The following SEC24D variants were observed in gnomAD, a reference collection of about 807,000 sequenced individuals.
SEC24D encodes protein transport protein Sec24D.
A neutral mutation model predicts 116.9 loss-of-function variants in SEC24D; 69 were observed. That is an observed-to-expected ratio of 0.59 (90% CI 0.49 to 0.72). The LOEUF is 0.72. SEC24D is among the 30% of genes least tolerant of loss of function. The probability of loss-of-function intolerance (pLI) is 0.00; values close to 1 mark genes in which losing one functional copy is unlikely to be tolerated. For synonymous variants in SEC24D, 405 were observed against 442.8 expected, an observed-to-expected ratio of 0.91 and a Z score of 1.07; for missense variants, 1,131 against 1,264.1, an observed-to-expected ratio of 0.89 and a Z score of 1.60.
intron 8 of SEC24D, among the ~76,000 whole-genome samples, chr4:118,779,083 A>T (rs1182409873): frequency 1.3e-5 from 2 of 152,164 alleles, no homozygotes; most frequent in African/African-American, 4.8e-5. Context: ...TCCTAATTAA[A>T]TACGCTTTAT....
intron 8 of SEC24D, among the ~76,000 whole-genome samples, chr4:118,778,751 A>G (rs1232535280): frequency 1.3e-5 from 2 of 152,238 alleles, no homozygotes; most frequent in East Asian, 3.9e-4. Flanking sequence ...ATGTTCTTCC[A>G]TTTGTTTGTG....
At chr4:118,787,706 G>A (rs576016266) in intron 8 of SEC24D, among the ~76,000 whole-genome samples, 193 of 152,276 alleles carry the variant, frequency 1.3e-3, no homozygotes, top group African/African-American at 4.4e-3. Context: ...TATTTGGGTG[G>A]CTGAGGTGTG....
chr4:118,727,912 A>G (rs1051218842), intron 22 of SEC24D, among the ~76,000 whole-genome samples: 8 of 152,200 alleles, frequency 5.3e-5, no homozygotes, highest in Middle Eastern at 3.4e-3. Flanking sequence ...CTGGCCCCAT[A>G]AATACCCTGG....
chr4:118,791,697 G>GT (rs1415019572), intron 8 of SEC24D, among the ~76,000 whole-genome samples: 2 of 152,098 alleles, frequency 1.3e-5, no homozygotes, highest in African/African-American at 2.4e-5. Context: ...ACTGGTTTTC[G>GT]TATTTTTTGG....
chr4:118,763,863 TA>T (rs1011918193), intron 10 of SEC24D, among the ~76,000 whole-genome samples: 1 of 152,192 alleles, frequency 6.6e-6, no homozygotes. Context: ...TCCATGGGGA[TA>T]AATGCTAAAA....
chr4:118,725,235 C>A (rs2110422963), intron 22 of SEC24D, among the ~76,000 whole-genome samples: 1 of 152,292 alleles, frequency 6.6e-6, no homozygotes, highest in African/African-American at 2.4e-5. Flanking sequence ...GCTCTAGGTA[C>A]TGGGAGTTGG....
At chr4:118,781,854 CT>C (rs1386542082) in intron 8 of SEC24D, among the ~76,000 whole-genome samples, 3 of 152,160 alleles carry the variant, frequency 2.0e-5, no homozygotes, top group African/African-American at 7.2e-5. Flanking sequence ...CACTGATACC[CT>C]TTCTTCCACT....
intron 10 of SEC24D, among the ~76,000 whole-genome samples, chr4:118,761,797 T>G (rs1043237557): frequency 2.6e-5 from 4 of 152,226 alleles, no homozygotes; most frequent in Non-Finnish European, 4.4e-5. Context: ...ACTGTCCTAG[T>G]TGTCATGTCC....
At chr4:118,812,992 C>G (rs764995172) in intron 6 of SEC24D, among the ~76,000 whole-genome samples, 2 of 152,156 alleles carry the variant, frequency 1.3e-5, no homozygotes, top group African/African-American at 2.4e-5. Context: ...ACTGAAGAAG[C>G]GAGCCACACC....
At chr4:118,833,786 T>TA in intron 1 of SEC24D, 49 bp from the exon 2 acceptor site, 1 of 845,030 alleles carries the variant, frequency 1.2e-6, no homozygotes, top group South Asian at 1.6e-5. Context: ...TTTAGTTACG[T>TA]AAAGCTATTA....
rs766751117 is a variant in SEC24D at position 118,815,126 on chromosome 4, G to T, written c.703C>A (p.Gln235Lys). 20 of 1,614,032 alleles carry T rather than the reference G, an allele frequency of 1.2e-5. No individual in the cohort carries two copies. Among genetic ancestry groups the T allele is most frequent in the East Asian group, 4.5e-5 (2 of 44,894 alleles). Residue 235 changes from glutamine (Q) to lysine (K), a missense_variant, in exon 6 of 23, where the codon CAA becomes AAA. Transcript: ENST00000280551. ...GGGAAGCCTCCTGGGTAAGACAGTT[G>T]TGCGCCTGCCATCTGGGGACCAGAG... ...ANSGPQMAGA[Q>K]LSYPGGFPGG...
chr4:118,789,657 T>A (rs944124551), intron 8 of SEC24D, among the ~76,000 whole-genome samples: 3 of 152,254 alleles, frequency 2.0e-5, no homozygotes, highest in African/African-American at 7.2e-5. Flanking sequence ...CAACCTTAGC[T>A]CACTGCAACC....
chr4:118,788,648 C>T (rs553899740), intron 8 of SEC24D, among the ~76,000 whole-genome samples: 1 of 152,290 alleles, frequency 6.6e-6, no homozygotes, highest in South Asian at 2.1e-4. Context: ...TCTTTACCTA[C>T]AGAGTTTGTT....
Position 118,752,722 on chromosome 4 carries a change from G to C in SEC24D, c.1588C>G (p.Gln530Glu). 1.2e-6 allele frequency: 2 copies of C among 1,604,278 alleles called. No homozygotes were observed. The highest frequency in any genetic ancestry group is 1.7e-4 in the Middle Eastern group (1 of 6,030). The change falls in exon 12 of 23, where the codon CAA becomes GAA. Residue 530 changes from glutamine (Q) to glutamate (E), a missense_variant. Physicochemically the swap from Gln to Glu is conservative, Grantham distance 29. Transcript: ENST00000280551. ...TTATGAATCACAGATTGGGATTCTTGATAGTTGACAAGGAAACCATCCAAC... is the reference window on the plus strand; with the variant it reads ...TTATGAATCACAGATTGGGATTCTTCATAGTTGACAAGGAAACCATCCAAC... ...PLLDGFLVNY[Q>E]ESQSVIHNLL...
At chr4:118,822,996 C>T (rs375517108) in intron 3 of SEC24D, among the ~76,000 whole-genome samples, 1 of 152,130 alleles carries the variant, frequency 6.6e-6, no homozygotes, top group Non-Finnish European at 1.5e-5. Flanking sequence ...ATCTTCTCCC[C>T]TTTACTTCTG....
chr4:118,833,515 A>T, intron 2 of SEC24D, 64 bp downstream of exon 2: 1 of 1,079,576 alleles, frequency 9.3e-7, no homozygotes, highest in Non-Finnish European at 1.4e-6. Context: ...CTCTTTCAGA[A>T]CATCTTATGT....
intron 2 of SEC24D, among the ~76,000 whole-genome samples, chr4:118,827,948 G>A (rs1044517565): frequency 1.3e-5 from 2 of 151,928 alleles, no homozygotes; most frequent in African/African-American, 4.8e-5. Context: ...TGTTGGGGGG[G>A]GAAAATGTTT....
At position 118,745,076 on chromosome 4, in the gene SEC24D, A is replaced by C. The variant is rs903157267; in HGVS notation, c.1708-16T>G. On this transcript the variant is annotated splice_polypyrimidine_tract_variant and intron_variant, in intron 13 of 22. Coordinates refer to ENST00000280551, the MANE Select transcript of SEC24D (RefSeq NM_014822.4). Reference sequence around the variant, plus strand: ...AGTCTGCTGCCTAAAAAAAAAAAAAAACCCAAAAACCCACAGAAAATGCCG... The same window carrying C: ...AGTCTGCTGCCTAAAAAAAAAAAAACACCCAAAAACCCACAGAAAATGCCG... 40 of 1,399,922 alleles carry C rather than the reference A, an allele frequency of 2.9e-5. No homozygotes were observed. The Admixed American group carries it at 6.2e-4, about 22-fold the overall frequency. 86.7% of individuals were successfully genotyped at this position (1,399,922 alleles called of 1,614,324 possible). A position where few individuals can be genotyped will look rare whatever the true frequency, so the allele number is the denominator to read the frequency against.
At chr4:118,744,308 G>A (rs1278505274) in intron 14 of SEC24D, 150 bp from the exon 15 acceptor site, 3 of 798,972 alleles carry the variant, frequency 3.8e-6, no homozygotes, top group Non-Finnish European at 5.7e-6. Context: ...GAAACACACT[G>A]TGGTCATCAT....
Sources: gnomAD v4.1 joint callset for allele counts (sites outside exome capture counted in the v4.1 genomes callset) on GRCh38, gnomAD v4.1.1 for gene constraint, MANE v1.5 for transcripts, NCBI Gene and HGNC (gene_info 2026-07-23, HGNC 2026-07-21) for gene names.